The following HIPK2 variants were observed in gnomAD, a reference collection of about 807,000 sequenced individuals.
HIPK2 encodes homeodomain interacting protein kinase 2.
A neutral mutation model predicts 113.7 loss-of-function variants in HIPK2; 27 were observed. That is an observed-to-expected ratio of 0.24 (90% confidence interval 0.17 to 0.33). The LOEUF is 0.33. Among genes scored for constraint, HIPK2 ranks in the 10% least tolerant of loss-of-function variants. The pLI is 1.00. For synonymous variants in HIPK2, 631 were observed against 642.2 expected (o/e 0.98, Z 0.26); for missense variants, 1,257 against 1,588.0 (o/e 0.79, Z 3.54).
At chr7:139,753,930 G>C (rs1314773901) in intron 1 of HIPK2, among the ~76,000 whole-genome samples, 2 of 152,256 alleles carry the variant, frequency 1.3e-5, no homozygotes, top group African/African-American at 4.8e-5. Flanking sequence ...ATGAAGACTG[G>C]CACTTTTCCT....
intron 2 of HIPK2, among the ~76,000 whole-genome samples, chr7:139,632,514 C>A (rs1244393456): frequency 2.0e-5 from 3 of 152,144 alleles, no homozygotes; most frequent in Admixed American, 1.3e-4. Flanking sequence ...AATTATAGAA[C>A]CCCATTCATG....
Position 139,648,809 on chromosome 7 carries a change from G to A in HIPK2, c.1104-17084C>T, listed in dbSNP as rs534819885. ...TGCGGGTTTTTTTTTTCCTTTCCCC[G>A]TATGTATTGTGTTCAGTGTGGACAA... is the stretch of plus-strand genomic sequence containing the variant. On this transcript the variant is annotated intron_variant, in intron 2 of 14. Coordinates refer to ENST00000406875, the MANE Select transcript of HIPK2 (RefSeq NM_022740.5). Among the ~76,000 whole-genome samples, 72 of 151,516 alleles carry A rather than the reference G, an allele frequency of 4.8e-4. No homozygotes were observed. The Middle Eastern group carries it at 0.017, about 36-fold the overall frequency.
chr7:139,664,856 T>C (rs1490538599), intron 2 of HIPK2, among the ~76,000 whole-genome samples: 3 of 152,170 alleles, frequency 2.0e-5, no homozygotes, highest in African/African-American at 7.2e-5. Context: ...CTCCCTATTT[T>C]TTTACCTTAA....
chr7:139,750,901 G>T (rs189620062), intron 1 of HIPK2, among the ~76,000 whole-genome samples: 13 of 152,248 alleles, frequency 8.5e-5, no homozygotes, highest in African/African-American at 3.1e-4. Flanking sequence ...TGACCGCAGC[G>T]ACCACATTTG....
intron 1 of HIPK2, among the ~76,000 whole-genome samples, chr7:139,733,184 C>T (rs184356895): frequency 2.6e-5 from 4 of 152,262 alleles, no homozygotes; most frequent in African/African-American, 9.6e-5. Flanking sequence ...CATCATGCTT[C>T]TTGTACAGCC....
chr7:139,651,461 C>T (rs1414185670), intron 2 of HIPK2, among the ~76,000 whole-genome samples: 1 of 152,210 alleles, frequency 6.6e-6, no homozygotes, highest in Non-Finnish European at 1.5e-5. Context: ...AACTCTGGGC[C>T]ACTTGTCAGT....
rs142856163 is a variant in HIPK2, at chr7:139,619,261, G to A, written c.1782+1140C>T. 4.7e-3 allele frequency among the ~76,000 whole-genome samples: 718 copies of A among 152,258 alleles called. 6 individuals are homozygous for A. The highest frequency in any genetic ancestry group is 0.017 in the African/African-American group (697 of 41,530). On this transcript the variant is annotated intron_variant, in intron 7 of 14. Transcript: ENST00000406875. ...ACCTTTCAAAAAGAATGGACATAAGGTATTCACATTTCAGGTACACACACA... is the reference window on the plus strand; with the variant it reads ...ACCTTTCAAAAAGAATGGACATAAGATATTCACATTTCAGGTACACACACA...
chr7:139,720,033 A>C (rs528337410), intron 1 of HIPK2, among the ~76,000 whole-genome samples: 49 of 152,186 alleles, frequency 3.2e-4, no homozygotes, highest in Non-Finnish European at 5.7e-4. Flanking sequence ...GTTGATTCCA[A>C]CTACCTTGTT....
At chr7:139,681,431 C>T (rs548522994) in intron 2 of HIPK2, among the ~76,000 whole-genome samples, 3 of 152,214 alleles carry the variant, frequency 2.0e-5, no homozygotes, top group South Asian at 2.1e-4. Context: ...CTGGCACCTC[C>T]ACATTTAAAT....
intron 5 of HIPK2, among the ~76,000 whole-genome samples, chr7:139,627,173 T>C (rs1326038937): frequency 6.6e-6 from 1 of 151,958 alleles, no homozygotes; most frequent in East Asian, 1.9e-4. Context: ...ACAATGGGAG[T>C]GTTAATACTA....
chr7:139,744,713 T>C (rs1343781358), intron 1 of HIPK2, among the ~76,000 whole-genome samples: 1 of 152,222 alleles, frequency 6.6e-6, no homozygotes, highest in East Asian at 1.9e-4. Flanking sequence ...AAGCAGCTAA[T>C]TGCCAAGAGG....
At chr7:139,709,815 G>C (rs1209569503) in intron 2 of HIPK2, among the ~76,000 whole-genome samples, 2 of 152,216 alleles carry the variant, frequency 1.3e-5, no homozygotes, top group African/African-American at 4.8e-5. Flanking sequence ...ACTAGGCTCT[G>C]AAAGACTGGA....
At chr7:139,644,646 A>G (rs1438339108) in intron 2 of HIPK2, among the ~76,000 whole-genome samples, 2 of 152,186 alleles carry the variant, frequency 1.3e-5, no homozygotes, top group African/African-American at 4.8e-5. Flanking sequence ...GAGGGTTGAA[A>G]CTGGGCATTT....
At chr7:139,703,955 A>ACC (rs1297694905) in intron 2 of HIPK2, among the ~76,000 whole-genome samples, 3 of 107,460 alleles carry the variant, frequency 2.8e-5, no homozygotes, top group African/African-American at 4.0e-5. Context: ...CAACATACAC[A>ACC]CCCCCAACAC....
Position 139,631,469 on chromosome 7 carries a change from G to T in HIPK2, c.1227+133C>A, listed in dbSNP as rs1225486225. 6 of 1,447,074 alleles carry T rather than the reference G, an allele frequency of 4.1e-6. No homozygotes were observed. Among genetic ancestry groups the T allele is most frequent in the Non-Finnish European group, 5.5e-6 (6 of 1,089,132 alleles). The allele number at this position is 1,447,074 out of a possible 1,614,324, so 89.6% of individuals were successfully genotyped here. ...TAAAGAAAAAATAGCAAGGTTAAGG[G>T]AAGCAAGGTTTGGGAGACAACGTGA... On this transcript the variant is annotated intron_variant, in intron 3 of 14. Transcript: ENST00000406875. The surrounding 1 kb of genome is among the most constrained non-coding windows in gnomAD (Gnocchi z 4.9).
rs758572771 is a variant in HIPK2, at chr7:139,716,859, A to G, written c.176T>C (p.Leu59Pro). 5.0e-6 allele frequency: 8 copies of G among 1,613,756 alleles called. No homozygotes were observed. The highest frequency in any genetic ancestry group is 1.3e-5 in the African/African-American group (1 of 74,886). ...KVYSQSKNIP[L>P]SQPATTTVST... Reference sequence around the variant, plus strand: ...GACGGTTGTGGTGGCTGGCTGCGACAGGGGGATGTTCTTGCTCTGGCTATA... The same window carrying G: ...GACGGTTGTGGTGGCTGGCTGCGACGGGGGGATGTTCTTGCTCTGGCTATA... Residue 59 changes from leucine to proline, a missense_variant, in exon 2 of 15, where the codon CTG (leucine) becomes CCG (proline). This residue lies in a region of HIPK2 where 209 missense variants were observed against 237.8 expected (regional missense o/e 0.88). Transcript: ENST00000406875. The surrounding 1 kb of genome is among the most constrained non-coding windows in gnomAD (Gnocchi z 9.3).
At chr7:139,638,641 A>C (rs997963266) in intron 2 of HIPK2, among the ~76,000 whole-genome samples, 1 of 150,558 alleles carries the variant, frequency 6.6e-6, no homozygotes, top group Non-Finnish European at 1.5e-5. Context: ...CTGGAGAAAG[A>C]GAGTAAATAA....
At chr7:139,655,624 T>TCCCTG (rs1384991952) in intron 2 of HIPK2, among the ~76,000 whole-genome samples, 2 of 152,164 alleles carry the variant, frequency 1.3e-5, no homozygotes, top group African/African-American at 4.8e-5. Context: ...TTGTCCCTGC[T>TCCCTG]CCCTGCCCTG....
At chr7:139,690,559 A>C (rs565600612) in intron 2 of HIPK2, among the ~76,000 whole-genome samples, 3 of 152,194 alleles carry the variant, frequency 2.0e-5, no homozygotes, top group Non-Finnish European at 2.9e-5. Context: ...CAGCCCCAGC[A>C]CTTTGGGGTG....
Sources: gnomAD v4.1 joint callset for allele counts (sites outside exome capture counted in the v4.1 genomes callset) on GRCh38, gnomAD v4.1.1 for gene constraint, gnomAD v4.1.1 regional missense constraint, Gnocchi (gnomAD v3.1) non-coding constraint, MANE v1.5 for transcripts, NCBI Gene and HGNC (gene_info 2026-07-23, HGNC 2026-07-21) for gene names.